The following KIAA0319L variants were observed in gnomAD, a reference collection of about 807,000 sequenced individuals.
KIAA0319L encodes the protein dyslexia-associated protein KIAA0319-like protein.
KIAA0319L carries 55 observed loss-of-function variants against 120.1 expected under a neutral mutation model. That is an observed-to-expected ratio of 0.46 (90% CI 0.37 to 0.57). The LOEUF is 0.57. Among genes scored for constraint, KIAA0319L ranks in the 20% least tolerant of loss-of-function variants. The probability of loss-of-function intolerance (pLI) is 0.00; values close to 1 mark genes in which losing one functional copy is unlikely to be tolerated. For synonymous variants in KIAA0319L, 398 were observed against 471.9 expected, an observed-to-expected ratio of 0.84 and a Z score of 2.03; for missense variants, 1,049 against 1,255.3, an observed-to-expected ratio of 0.84 and a Z score of 2.48.
At chr1:35,544,848 T>A (rs930349522) in intron 2 of KIAA0319L, among the ~76,000 whole-genome samples, 1 of 152,112 alleles carries the variant, frequency 6.6e-6, no homozygotes, top group Non-Finnish European at 1.5e-5. Flanking sequence ...CTGTTTTTAG[T>A]CAGGAGATAA....
upstream of KIAA0319L, chr1:35,557,546 G>T (rs1446656376): frequency 7.6e-6 from 3 of 395,822 alleles, no homozygotes; most frequent in Non-Finnish European, 1.5e-5. Context: ...GTAAAACTAC[G>T]CACAAGCGAA....
chr1:35,528,952 G>A (rs1212372110), intron 2 of KIAA0319L, among the ~76,000 whole-genome samples: 1 of 152,180 alleles, frequency 6.6e-6, no homozygotes, highest in Admixed American at 6.6e-5. Flanking sequence ...TTTGCACGGA[G>A]TATTTTTTTC....
intron 2 of KIAA0319L, among the ~76,000 whole-genome samples, chr1:35,540,306 T>C (rs1437994115): frequency 6.6e-6 from 1 of 152,222 alleles, no homozygotes; most frequent in African/African-American, 2.4e-5. Flanking sequence ...CCTTTTGTGA[T>C]TGGCCAGGGA....
intron 2 of KIAA0319L, among the ~76,000 whole-genome samples, chr1:35,549,443 C>A (rs543527920): frequency 6.6e-6 from 1 of 152,214 alleles, no homozygotes. Flanking sequence ...CTAGTAAGTT[C>A]TCAAAAAATG....
intron 2 of KIAA0319L, among the ~76,000 whole-genome samples, chr1:35,509,188 T>G (rs1041232972): frequency 6.6e-6 from 1 of 151,932 alleles, no homozygotes; most frequent in African/African-American, 2.4e-5. Flanking sequence ...TGACTGGTAG[T>G]TAGAATGTTT....
intron 2 of KIAA0319L, among the ~76,000 whole-genome samples, chr1:35,550,940 C>T (rs563225783): frequency 1.3e-5 from 2 of 152,246 alleles, no homozygotes; most frequent in East Asian, 3.9e-4. Flanking sequence ...CACCACTCTC[C>T]TATAATTAAG....
intron 16 of KIAA0319L, among the ~76,000 whole-genome samples, chr1:35,446,120 T>C (rs933520979): frequency 1.4e-4 from 22 of 152,086 alleles, no homozygotes; most frequent in Admixed American, 1.3e-3. Context: ...CAGACCCCAC[T>C]CCAGACCAAC....
At chr1:35,442,406 G>A (rs1331493671) in intron 18 of KIAA0319L, 70 bp from the exon 19 acceptor site, 5 of 1,199,290 alleles carry the variant, frequency 4.2e-6, no homozygotes, top group Non-Finnish European at 6.2e-6. Flanking sequence ...GCTGCTCCCA[G>A]CTTGGGCAGG....
chr1:35,518,034 G>C (rs1269141841), intron 2 of KIAA0319L, among the ~76,000 whole-genome samples: 4 of 152,170 alleles, frequency 2.6e-5, no homozygotes, highest in African/African-American at 9.7e-5. Context: ...TCTCATACCA[G>C]TCAGAATGGC....
intron 2 of KIAA0319L, among the ~76,000 whole-genome samples, chr1:35,542,571 G>A (rs148491658): frequency 8.0e-4 from 122 of 152,294 alleles, no homozygotes; most frequent in African/African-American, 1.9e-3. Context: ...TCAAAAGGTA[G>A]GTCCTCAAAT....
chr1:35,445,718 A>G (rs1641571025), intron 16 of KIAA0319L, among the ~76,000 whole-genome samples: 1 of 152,250 alleles, frequency 6.6e-6, no homozygotes, highest in Admixed American at 6.5e-5. Flanking sequence ...GGCAGGGCTC[A>G]GAAGCTGGGT....
At chr1:35,513,393 T>C (rs1330500762) in intron 2 of KIAA0319L, among the ~76,000 whole-genome samples, 2 of 149,122 alleles carry the variant, frequency 1.3e-5, no homozygotes, top group Non-Finnish European at 3.0e-5. Flanking sequence ...GACAGGAGAA[T>C]AGTTTGAGCT....
intron 20 of KIAA0319L, chr1:35,438,859 A>AC (rs978133825): frequency 2.6e-5 from 4 of 152,268 alleles, no homozygotes; most frequent in African/African-American, 9.7e-5. Flanking sequence ...AACAACAACA[A>AC]AAAAACCTGG....
intron 2 of KIAA0319L, among the ~76,000 whole-genome samples, chr1:35,525,104 T>G (rs748931303): frequency 6.6e-6 from 1 of 152,202 alleles, no homozygotes; most frequent in Admixed American, 6.5e-5. Context: ...ATATGCAATA[T>G]TTGCCTACGT....
At chr1:35,507,168 A>G (rs1204940906) in intron 2 of KIAA0319L, 33 bp from the exon 3 acceptor site, 24 of 1,511,284 alleles carry the variant, frequency 1.6e-5, no homozygotes, top group Non-Finnish European at 2.1e-5. Context: ...TTTTCAGATG[A>G]AATAAAAACA....
At chr1:35,504,952 C>T (rs1645155312) in intron 3 of KIAA0319L, among the ~76,000 whole-genome samples, 1 of 152,200 alleles carries the variant, frequency 6.6e-6, no homozygotes, top group Non-Finnish European at 1.5e-5. Flanking sequence ...GGGCACCTAA[C>T]ACACTTTGAA....
At chr1:35,452,422 C>G (rs997458331) in intron 12 of KIAA0319L, among the ~76,000 whole-genome samples, 1 of 152,230 alleles carries the variant, frequency 6.6e-6, no homozygotes, top group African/African-American at 2.4e-5. Flanking sequence ...AGGCTGCACA[C>G]AGCCAGAGAG....
upstream of KIAA0319L, chr1:35,557,408 C>A: frequency 1.3e-5 from 4 of 315,566 alleles, no homozygotes; most frequent in Non-Finnish European, 2.5e-5. Flanking sequence ...GGAAACACCG[C>A]CTCCTCCCAC....
intron 2 of KIAA0319L, among the ~76,000 whole-genome samples, chr1:35,528,756 G>C (rs1473509366): frequency 6.6e-6 from 1 of 152,024 alleles, no homozygotes; most frequent in Non-Finnish European, 1.5e-5. Context: ...TCTCTCTTTA[G>C]GTCTAATATT....
Sources: gnomAD v4.1 joint callset for allele counts (sites outside exome capture counted in the v4.1 genomes callset) on GRCh38, gnomAD v4.1.1 for gene constraint, MANE v1.5 for transcripts, NCBI Gene and HGNC (gene_info 2026-07-23, HGNC 2026-07-21) for gene names.